The following UBE2D3 variants were observed in gnomAD, a reference collection of about 807,000 sequenced individuals.
UBE2D3 encodes the protein ubiquitin conjugating enzyme E2 D3.
A neutral mutation model predicts 22.8 loss-of-function variants in UBE2D3; 2 were observed. The ratio of observed to expected loss-of-function variants is 0.09; its 90% CI spans 0.04 to 0.28. UBE2D3 has a LOEUF of 0.28. Ranked by LOEUF, UBE2D3 falls within the 10% of genes least tolerant of loss-of-function variation. The pLI, the probability that UBE2D3 is intolerant of heterozygous loss-of-function variation, is 1.00. For missense variants in UBE2D3, 27 were observed against 182.5 expected, an observed-to-expected ratio of 0.15 and a Z score of 4.91; for synonymous variants, 56 against 60.4, an observed-to-expected ratio of 0.93 and a Z score of 0.34.
intron 2 of UBE2D3, among the ~76,000 whole-genome samples, chr4:102,821,612 T>A (rs1291690825): frequency 1.3e-5 from 2 of 152,176 alleles, no homozygotes; most frequent in Non-Finnish European, 2.9e-5. Context: ...GCTGTATTTT[T>A]TTTTTTAAAT....
At position 102,794,961 on chromosome 4, in the gene UBE2D3, T is replaced by C. The variant is rs1475783606; in HGVS notation, c.*2454A>G. 1.3e-5 allele frequency: 2 copies of C among 152,234 alleles called. No individual in the cohort carries two copies. Among genetic ancestry groups the C allele is most frequent in the East Asian group, 3.9e-4 (2 of 5,190 alleles). The allele number at this position is 152,234 out of a possible 1,614,324, so 9.4% of individuals were successfully genotyped here. On this transcript the variant is annotated 3_prime_UTR_variant, in exon 8 of 8. Transcript: ENST00000453744. ...CTCAGTTGGGTCCTATACATGGCAC[T>C]AGTAATGTCAAATTACTGGGTGGAG...
At chr4:102,826,024 G>A (rs933431944) in intron 2 of UBE2D3, among the ~76,000 whole-genome samples, 2 of 152,042 alleles carry the variant, frequency 1.3e-5, no homozygotes, top group African/African-American at 4.8e-5. Flanking sequence ...TTCGGGACTC[G>A]CCAGATTTTT....
chr4:102,846,811 ATT>A (rs765588517), intron 1 of UBE2D3, among the ~76,000 whole-genome samples: 3 of 141,820 alleles, frequency 2.1e-5, no homozygotes, highest in Non-Finnish European at 1.6e-5. Flanking sequence ...GGCTAATTAA[ATT>A]TTTTTTTTTT....
intron 2 of UBE2D3, chr4:102,810,239 T>G (rs1727735455): frequency 6.0e-6 from 1 of 165,874 alleles, no homozygotes; most frequent in Non-Finnish European, 1.3e-5. Flanking sequence ...TCTTAAATTC[T>G]TTGTTCTTCC....
chr4:102,798,919 T>C lies in UBE2D3; in HGVS notation c.398+488A>G, dbSNP rs780259556. 31 of 1,611,580 alleles carry C rather than the reference T, an allele frequency of 1.9e-5. No homozygotes were observed. The Admixed American group carries it at 5.2e-4, about 27-fold the overall frequency. On this transcript the variant is annotated intron_variant, in intron 7 of 7. Coordinates refer to ENST00000453744, the MANE Select transcript of UBE2D3 (RefSeq NM_181891.3). ...TAATAAGCGCACCATAGAGTGCAGATCCTCTTACCCTACAACATAGCGTAT... is the reference window on the plus strand; with the variant it reads ...TAATAAGCGCACCATAGAGTGCAGACCCTCTTACCCTACAACATAGCGTAT...
intron 1 of UBE2D3, among the ~76,000 whole-genome samples, chr4:102,832,928 G>T (rs906046966): frequency 6.6e-6 from 1 of 150,836 alleles, no homozygotes; most frequent in African/African-American, 2.4e-5. Context: ...AGCCCAGAAG[G>T]TCAAGGTTGC....
chr4:102,813,417 C>T (rs1184789238), intron 2 of UBE2D3, among the ~76,000 whole-genome samples: 1 of 152,062 alleles, frequency 6.6e-6, no homozygotes, highest in African/African-American at 2.4e-5. Context: ...TTGATTGACT[C>T]CATGTGGGAA....
intron 2 of UBE2D3, chr4:102,810,755 A>G (rs995236443): frequency 1.3e-5 from 2 of 152,218 alleles, no homozygotes; most frequent in Non-Finnish European, 2.9e-5. Context: ...GTGCATAACA[A>G]TATGAATTAT....
intron 4 of UBE2D3, among the ~76,000 whole-genome samples, chr4:102,807,595 T>C (rs542465626): frequency 6.6e-5 from 10 of 152,278 alleles, no homozygotes; most frequent in Non-Finnish European, 1.0e-4. Context: ...ATGCTTCTGT[T>C]TGTAAAAGCA....
intron 4 of UBE2D3, 74 bp downstream of exon 4, chr4:102,809,598 C>A: frequency 1.4e-6 from 2 of 1,418,562 alleles, no homozygotes; most frequent in East Asian, 2.4e-5. Context: ...AACCTACAGA[C>A]CAAGTTAAAA....
upstream of UBE2D3, chr4:102,828,269 T>C: frequency 2.0e-6 from 2 of 985,196 alleles, no homozygotes; most frequent in Non-Finnish European, 2.4e-6. Context: ...AATTACCAGA[T>C]ACCTTTAGTC....
chr4:102,842,404 CA>C (rs1367280519), intron 1 of UBE2D3, among the ~76,000 whole-genome samples: 1 of 151,850 alleles, frequency 6.6e-6, no homozygotes, highest in East Asian at 1.9e-4. Flanking sequence ...AAAAAACAAA[CA>C]AACGCTGGGC....
At chr4:102,835,692 A>G (rs961837713) in intron 1 of UBE2D3, among the ~76,000 whole-genome samples, 42 of 152,342 alleles carry the variant, frequency 2.8e-4, no homozygotes, top group African/African-American at 9.9e-4. Context: ...CCACAGCTAC[A>G]TTGTTATGTT....
rs751422153 is a variant in UBE2D3, at chr4:102,794,586, C to T, written c.*2829G>A. The T allele has an allele frequency of 6.6e-6, 1 of 151,650 alleles. No homozygotes were observed. Among genetic ancestry groups the T allele is most frequent in the African/African-American group, 2.4e-5 (1 of 41,276 alleles). 9.4% of individuals were successfully genotyped at this position (151,650 alleles called of 1,614,324 possible). On this transcript the variant is annotated 3_prime_UTR_variant, in exon 8 of 8. Transcript: ENST00000453744. ...AACACAAAACATGGCTGAGTTACCC[C>T]CCTCCCCGCCCAAATTACTAACACA...
chr4:102,868,395 G>A (rs1733275825), intron 1 of UBE2D3, among the ~76,000 whole-genome samples: 1 of 152,076 alleles, frequency 6.6e-6, no homozygotes, highest in Non-Finnish European at 1.5e-5. Flanking sequence ...CCACTTTCCC[G>A]AAGGAAAAGG....
chr4:102,822,759 C>CCTTG (rs1729818033), intron 2 of UBE2D3, among the ~76,000 whole-genome samples: 1 of 37,324 alleles, frequency 2.7e-5, no homozygotes, highest in Admixed American at 2.4e-4. Flanking sequence ...CACGGTGAAA[C>CCTTG]CCTGCCTCTA....
At chr4:102,850,148 G>A (rs1389538590) in intron 1 of UBE2D3, among the ~76,000 whole-genome samples, 2 of 152,094 alleles carry the variant, frequency 1.3e-5, no homozygotes, top group Non-Finnish European at 2.9e-5. Context: ...ATATAATGGT[G>A]AAAATATACA....
chr4:102,830,790 T>C (rs1208626922), upstream of UBE2D3, among the ~76,000 whole-genome samples: 1 of 152,170 alleles, frequency 6.6e-6, no homozygotes, highest in African/African-American at 2.4e-5. Flanking sequence ...TGCCTCAGCC[T>C]GGGAGGTTGA....
intron 2 of UBE2D3, among the ~76,000 whole-genome samples, chr4:102,815,550 T>C (rs553148884): frequency 7.3e-4 from 111 of 152,306 alleles, no homozygotes; most frequent in Non-Finnish European, 1.4e-3. Flanking sequence ...GTATTTCTTA[T>C]AGAATAAATG....
Sources: allele counts gnomAD v4.1 joint callset (sites outside exome capture counted in the v4.1 genomes callset), GRCh38; gene constraint gnomAD v4.1.1; transcripts MANE v1.5; gene names NCBI Gene and HGNC (gene_info 2026-07-23, HGNC 2026-07-21).